Variants in PLD5 observed in about 807,000 individuals in gnomAD.
PLD5 encodes the protein phospholipase D family member 5.
Under a neutral mutation model 61.1 loss-of-function variants are expected in PLD5, and 36 were observed. That is an observed-to-expected ratio of 0.59 (90% CI 0.45 to 0.78). PLD5 has a LOEUF of 0.78. PLD5 is among the 30% of genes least tolerant of loss of function. PLD5 has a pLI of 0.00. For missense variants in PLD5, 515 were observed against 644.4 expected (o/e 0.80, Z 2.17); for synonymous variants, 243 against 242.8 (o/e 1.00, Z -0.01).
Position 242,087,210 on chromosome 1 carries a change from G to C in PLD5, c.*2644C>G, listed in dbSNP as rs1659516599. 6.6e-6 allele frequency: 1 copy of C among 152,144 alleles called. No individual in the cohort carries two copies. Among genetic ancestry groups the C allele is most frequent in the African/African-American group, 2.4e-5 (1 of 41,428 alleles). The allele number at this position is 152,144 out of a possible 1,614,324, so 9.4% of individuals were successfully genotyped here. The stretch of plus-strand genomic sequence containing the variant: ...GTGGCCCCATGGAGTCACCACCGCT[G>C]CCCAGACTCCCCTGATTAGGGGCTT... On this transcript the variant is annotated 3_prime_UTR_variant, in exon 10 of 10. Coordinates refer to ENST00000536534, the MANE Select transcript of PLD5 (RefSeq NM_001372062.1).
chr1:242,254,256 A>G (rs1672883862), intron 4 of PLD5, among the ~76,000 whole-genome samples: 1 of 151,054 alleles, frequency 6.6e-6, no homozygotes, highest in South Asian at 2.1e-4. Context: ...ACAGTTCGTT[A>G]TGAGGTAGGC....
At chr1:242,527,958 A>C (rs1429150761), upstream of PLD5, among the ~76,000 whole-genome samples, 3 of 152,230 alleles carry the variant, frequency 2.0e-5, no homozygotes, top group Non-Finnish European at 4.4e-5. Context: ...CTACTAGCCC[A>C]TTCGCTTCTT....
chr1:242,116,498 C>A (rs538899021), intron 6 of PLD5, among the ~76,000 whole-genome samples: 1 of 152,134 alleles, frequency 6.6e-6, no homozygotes, highest in African/African-American at 2.4e-5. Context: ...AGGTTTGAGG[C>A]ACAACTGATC....
At chr1:242,156,665 T>G (rs899937432) in intron 5 of PLD5, among the ~76,000 whole-genome samples, 3 of 152,210 alleles carry the variant, frequency 2.0e-5, no homozygotes, top group Non-Finnish European at 4.4e-5. Context: ...TCTTTAAGAA[T>G]GTAGAATATT....
intron 1 of PLD5, among the ~76,000 whole-genome samples, chr1:242,430,102 G>T (rs559305263): frequency 6.6e-6 from 1 of 152,018 alleles, no homozygotes; most frequent in East Asian, 1.9e-4. Context: ...AACACCACTA[G>T]AATTCCATGT....
intron 5 of PLD5, among the ~76,000 whole-genome samples, chr1:242,204,159 C>A (rs183918633): frequency 6.6e-6 from 1 of 151,518 alleles, no homozygotes; most frequent in Non-Finnish European, 1.5e-5. Context: ...AGGTGAATGG[C>A]GTGAACCCAG....
intron 6 of PLD5, among the ~76,000 whole-genome samples, chr1:242,117,171 T>C (rs1662009639): frequency 6.6e-6 from 1 of 152,170 alleles, no homozygotes; most frequent in Non-Finnish European, 1.5e-5. Context: ...GTATCCATGG[T>C]CCTGTGTCTC....
At chr1:242,184,652 G>A (rs1446437863) in intron 5 of PLD5, among the ~76,000 whole-genome samples, 1 of 152,170 alleles carries the variant, frequency 6.6e-6, no homozygotes, top group Non-Finnish European at 1.5e-5. Flanking sequence ...TACAATGTGA[G>A]CTACCGTGCC....
chr1:242,408,134 G>T (rs1481684313), intron 1 of PLD5, among the ~76,000 whole-genome samples: 1 of 152,140 alleles, frequency 6.6e-6, no homozygotes, highest in East Asian at 1.9e-4. Context: ...AGCATACATT[G>T]TGTGGAAGCT....
chr1:242,128,117 C>A (rs1662939857), intron 5 of PLD5, among the ~76,000 whole-genome samples: 1 of 151,996 alleles, frequency 6.6e-6, no homozygotes, highest in South Asian at 2.1e-4. Context: ...ACAGTCTGGG[C>A]AATATCGTGA....
At chr1:242,460,748 T>C (rs988901379) in intron 1 of PLD5, among the ~76,000 whole-genome samples, 1 of 152,106 alleles carries the variant, frequency 6.6e-6, no homozygotes, top group Non-Finnish European at 1.5e-5. Flanking sequence ...TTTGGGAATA[T>C]AGTGCCAAAA....
At chr1:242,158,766 C>T (rs1665593146) in intron 5 of PLD5, among the ~76,000 whole-genome samples, 1 of 152,152 alleles carries the variant, frequency 6.6e-6, no homozygotes, top group Admixed American at 6.5e-5. Flanking sequence ...ATTCAGCCGT[C>T]TTGCCATCAG....
At chr1:242,511,118 C>T in intron 1 of PLD5, among the ~76,000 whole-genome samples, 1 of 152,096 alleles carries the variant, frequency 6.6e-6, no homozygotes, top group East Asian at 1.9e-4. Flanking sequence ...GTGGACATGT[C>T]CAAGCGACAC....
At chr1:242,393,214 A>G (rs1311935628) in intron 1 of PLD5, among the ~76,000 whole-genome samples, 2 of 106,444 alleles carry the variant, frequency 1.9e-5, no homozygotes, top group African/African-American at 7.7e-5. Context: ...AAAAATATAT[A>G]TATATATATG....
chr1:242,195,230 G>A (rs182680396), intron 5 of PLD5, among the ~76,000 whole-genome samples: 173 of 152,282 alleles, frequency 1.1e-3, no homozygotes, highest in South Asian at 3.9e-3. Context: ...GCTGGCCGTG[G>A]TACAGGACAC....
intron 1 of PLD5, among the ~76,000 whole-genome samples, chr1:242,509,255 T>C (rs1668827321): frequency 6.6e-6 from 1 of 151,888 alleles, no homozygotes; most frequent in South Asian, 2.1e-4. Flanking sequence ...GGCATGCACC[T>C]GTAGTCCCAG....
chr1:242,402,747 T>C (rs544022896), intron 1 of PLD5, among the ~76,000 whole-genome samples: 1 of 152,330 alleles, frequency 6.6e-6, no homozygotes, highest in South Asian at 2.1e-4. Flanking sequence ...AGGAAGTTTA[T>C]CTTAAAAGTG....
intron 1 of PLD5, among the ~76,000 whole-genome samples, chr1:242,502,352 T>A (rs572218828): frequency 6.6e-6 from 1 of 152,282 alleles, no homozygotes; most frequent in African/African-American, 2.4e-5. Context: ...CATATCTAAT[T>A]AGTAGCCAAG....
Position 242,337,077 on chromosome 1 carries a change from GC to G in PLD5, c.326+11028del, listed in dbSNP as rs879501694. ...GCAAATCAGGTCTCCTGGATGTAGA[GC>G]CTGAGTGAGCTCTTGGGCATGTCTC... is the stretch of plus-strand genomic sequence containing the variant. On this transcript the variant is annotated intron_variant, in intron 2 of 9. Transcript: ENST00000536534. Among the ~76,000 whole-genome samples, 212 of 151,946 alleles carry G rather than the reference GC, an allele frequency of 1.4e-3. 1 individual carries two copies. Among genetic ancestry groups the G allele is most frequent in the Non-Finnish European group, 6.2e-4 (42 of 67,922 alleles).
Sources: gnomAD v4.1 joint callset for allele counts (sites outside exome capture counted in the v4.1 genomes callset) on GRCh38, gnomAD v4.1.1 for gene constraint, MANE v1.5 for transcripts, NCBI Gene and HGNC (gene_info 2026-07-23, HGNC 2026-07-21) for gene names.